GRID1: variants seen among roughly 807,000 people sequenced by gnomAD.
GRID1 encodes glutamate ionotropic receptor delta type subunit 1.
GRID1 carries 28 observed loss-of-function variants against 98.0 expected under a neutral mutation model. The ratio of observed to expected loss-of-function variants is 0.29; its 90% CI spans 0.21 to 0.39. The LOEUF (loss-of-function observed/expected upper bound fraction) is 0.39, where lower values mean the gene tolerates loss of function less well. Ranked by LOEUF, GRID1 falls within the 10% of genes least tolerant of loss-of-function variation. The pLI, the probability that GRID1 is intolerant of heterozygous loss-of-function variation, is 1.00. For synonymous variants in GRID1, 553 were observed against 538.5 expected (o/e 1.03, Z -0.37); for missense variants, 1,111 against 1,340.5 (o/e 0.83, Z 2.67).
At chr10:85,873,123 ACTCCCTG>A (rs746145169) in intron 5 of GRID1, among the ~76,000 whole-genome samples, 3 of 151,758 alleles carry the variant, frequency 2.0e-5, no homozygotes, top group Admixed American at 6.6e-5. Context: ...GGATGCATCC[ACTCCCTG>A]CTCACTGATG....
intron 4 of GRID1, among the ~76,000 whole-genome samples, chr10:86,087,960 A>C (rs1454822696): frequency 6.6e-6 from 1 of 152,216 alleles, no homozygotes; most frequent in Non-Finnish European, 1.5e-5. Flanking sequence ...TCCTACAGTC[A>C]GTGCAGAAGC....
At chr10:85,911,627 A>T (rs913355344) in intron 5 of GRID1, among the ~76,000 whole-genome samples, 1 of 152,240 alleles carries the variant, frequency 6.6e-6, no homozygotes, top group African/African-American at 2.4e-5. Flanking sequence ...CATTTCCAAC[A>T]AAGTATGTGT....
intron 8 of GRID1, among the ~76,000 whole-genome samples, chr10:85,771,182 A>G (rs921761047): frequency 5.9e-5 from 9 of 152,234 alleles, no homozygotes; most frequent in Non-Finnish European, 7.3e-5. Flanking sequence ...ACTCTTAAGG[A>G]AAAGAATTTT....
Position 85,827,619 on chromosome 10 carries a change from GA to G in GRID1, c.1233+26876del, listed in dbSNP as rs1162822330. Among the ~76,000 whole-genome samples the G allele has an allele frequency of 5.3e-5, 8 of 150,712 alleles. No individual in the cohort carries two copies. In the East Asian group the frequency reaches 1.6e-3, roughly 29 times the overall value. On this transcript the variant is annotated intron_variant, in intron 8 of 15. Coordinates refer to ENST00000327946, the MANE Select transcript of GRID1 (RefSeq NM_017551.3). ...TCCATGAAGGTATCTAACCTTGCTA[GA>G]AAAATGCAGGGACTGCGATTTTAAC...
intron 3 of GRID1, among the ~76,000 whole-genome samples, chr10:86,199,209 T>C (rs1845914883): frequency 6.6e-6 from 1 of 152,180 alleles, no homozygotes; most frequent in South Asian, 2.1e-4. Context: ...ACATAGAAGC[T>C]CACTTGTACA....
At chr10:86,256,729 T>G (rs1217516301) in intron 2 of GRID1, among the ~76,000 whole-genome samples, 1 of 152,208 alleles carries the variant, frequency 6.6e-6, no homozygotes, top group African/African-American at 2.4e-5. Context: ...CCTGGTGAGC[T>G]GCCTATTCTG....
chr10:86,044,812 T>C (rs1317783772), intron 4 of GRID1, among the ~76,000 whole-genome samples: 1 of 151,662 alleles, frequency 6.6e-6, no homozygotes, highest in African/African-American at 2.4e-5. Flanking sequence ...GGTGGCTCGT[T>C]TTGCAGGTTA....
chr10:86,266,416 A>G (rs115649375), intron 2 of GRID1, among the ~76,000 whole-genome samples: 3,429 of 152,180 alleles, frequency 0.023, 44 homozygotes, highest in Middle Eastern at 0.051. Context: ...CTGACCCCCA[A>G]ATACACCATG....
chr10:86,002,551 C>T (rs902858033), intron 4 of GRID1, among the ~76,000 whole-genome samples: 2 of 152,092 alleles, frequency 1.3e-5, no homozygotes, highest in African/African-American at 4.8e-5. Flanking sequence ...AGCCTTTTCA[C>T]AAAATTATTA....
rs541910258 is a variant in GRID1 at position 85,614,998 on chromosome 10, C to A, written c.2361-1351G>T. ...TCATCAGTAGAGGTCCCTCTGAGTT[C>A]TCTGGGTATGTGTCGTTAGAGAGCA... On this transcript the variant is annotated intron_variant, in intron 14 of 15. Coordinates refer to ENST00000327946, the MANE Select transcript of GRID1 (RefSeq NM_017551.3). 2.7e-3 allele frequency among the ~76,000 whole-genome samples: 406 copies of A among 152,278 alleles called. 3 individuals are homozygous for A. Among genetic ancestry groups the A allele is most frequent in the African/African-American group, 9.4e-3 (392 of 41,540 alleles).
intron 12 of GRID1, among the ~76,000 whole-genome samples, chr10:85,660,272 C>A (rs904771801): frequency 2.6e-5 from 4 of 152,146 alleles, no homozygotes; most frequent in African/African-American, 9.7e-5. Context: ...GTTTTTTGTT[C>A]TTTGAGGTAA....
intron 13 of GRID1, among the ~76,000 whole-genome samples, chr10:85,641,342 CA>C (rs1843114746): frequency 6.6e-6 from 1 of 152,184 alleles, no homozygotes; most frequent in Non-Finnish European, 1.5e-5. Context: ...GTTTGAAAAT[CA>C]AAAGATAAAG....
intron 13 of GRID1, among the ~76,000 whole-genome samples, chr10:85,634,994 A>G (rs1490956085): frequency 7.7e-6 from 1 of 130,696 alleles, no homozygotes; most frequent in Non-Finnish European, 1.6e-5. Flanking sequence ...GGCAGAGGAA[A>G]TCTGAAAAAA....
intron 5 of GRID1, among the ~76,000 whole-genome samples, chr10:85,874,935 G>A (rs1190116000): frequency 6.6e-6 from 1 of 151,928 alleles, no homozygotes; most frequent in South Asian, 2.1e-4. Context: ...GCACAATCTC[G>A]GCTCACTGCA....
intron 8 of GRID1, among the ~76,000 whole-genome samples, chr10:85,825,913 C>G (rs1006889898): frequency 1.4e-4 from 21 of 151,482 alleles, no homozygotes; most frequent in African/African-American, 4.9e-4. Context: ...GAATAATATT[C>G]TTCAATAAAT....
chr10:86,093,230 G>C (rs1354248784), intron 4 of GRID1, among the ~76,000 whole-genome samples: 1 of 152,014 alleles, frequency 6.6e-6, no homozygotes, highest in Admixed American at 6.5e-5. Context: ...TACAGCAAAG[G>C]CGGTGCTAAG....
At chr10:86,055,691 C>T (rs1010987402) in intron 4 of GRID1, among the ~76,000 whole-genome samples, 4 of 152,078 alleles carry the variant, frequency 2.6e-5, no homozygotes, top group East Asian at 1.9e-4. Context: ...TGCAGTGAGC[C>T]GAGATTGTGC....
At position 85,860,556 on chromosome 10, in the gene GRID1, G is replaced by A. The variant is rs554545673; in HGVS notation, c.952-4366C>T. 1.6e-4 allele frequency among the ~76,000 whole-genome samples: 25 copies of A among 152,294 alleles called. 1 individual carries two copies. Among genetic ancestry groups the A allele is most frequent in the Admixed American group, 5.9e-4 (9 of 15,298 alleles). ...GAGGAGAGAGCTGGAAGAGGGACTG[G>A]ATGGTTTCATTTAGCCACTCCAGAG... On this transcript the variant is annotated intron_variant, in intron 6 of 15. Transcript: ENST00000327946.
chr10:85,767,196 T>A (rs187727817), intron 8 of GRID1, among the ~76,000 whole-genome samples: 46 of 152,354 alleles, frequency 3.0e-4, no homozygotes, highest in Admixed American at 6.5e-4. Context: ...TTTCCCTTTT[T>A]ACTTTGACCG....
Sources: gnomAD v4.1 joint callset for allele counts (sites outside exome capture counted in the v4.1 genomes callset) on GRCh38, gnomAD v4.1.1 for gene constraint, MANE v1.5 for transcripts, NCBI Gene and HGNC (gene_info 2026-07-23, HGNC 2026-07-21) for gene names.